Variants in KCNMB2 observed in about 807,000 individuals in gnomAD.
KCNMB2 encodes potassium calcium-activated channel subfamily M regulatory beta subunit 2.
KCNMB2 carries 9 observed loss-of-function variants against 24.5 expected under a neutral mutation model. The ratio of observed to expected loss-of-function variants is 0.37; its 90% CI spans 0.22 to 0.64. The LOEUF is 0.64. KCNMB2 is among the 30% of genes least tolerant of loss of function. The pLI, the probability that KCNMB2 is intolerant of heterozygous loss-of-function variation, is 0.63. For missense variants in KCNMB2, 226 were observed against 284.3 expected (o/e 0.79, Z 1.47); for synonymous variants, 109 against 104.4 (o/e 1.04, Z -0.27).
chr3:178,566,671 TAA>T (rs11286527), intron 1 of KCNMB2, among the ~76,000 whole-genome samples: 1 of 151,632 alleles, frequency 6.6e-6, no homozygotes, highest in South Asian at 2.1e-4. Flanking sequence ...CAAGCAAACA[TAA>T]AAAAAAACTA....
Position 178,843,351 on chromosome 3 carries a change from T to C in KCNMB2, c.*414T>C. On this transcript the variant is annotated 3_prime_UTR_variant, in exon 5 of 5. Coordinates refer to ENST00000452583, the MANE Select transcript of KCNMB2 (RefSeq NM_181361.3). ...TTTACTAAAGCTACAGCCAAAAATA[T>C]TTTTTTTTCTTATTCTAAACTGAGC... The C allele has an allele frequency of 3.0e-6, 1 of 335,588 alleles. No homozygotes were observed. Among genetic ancestry groups the C allele is most frequent in the South Asian group, 2.3e-5 (1 of 43,248 alleles). The allele number at this position is 335,588 out of a possible 1,614,324, so 20.8% of individuals were successfully genotyped here. A position where few individuals can be genotyped will look rare whatever the true frequency, so the allele number is the denominator to read the frequency against.
At chr3:178,551,820 A>G (rs1477769) in intron 1 of KCNMB2, among the ~76,000 whole-genome samples, 28,465 of 152,160 alleles carry the variant, frequency 0.19, 3,511 homozygotes, top group African/African-American at 0.36. Context: ...CCCAAGGTAC[A>G]CAACTTGTAG....
intron 1 of KCNMB2, among the ~76,000 whole-genome samples, chr3:178,564,193 G>A (rs1247660530): frequency 3.9e-5 from 6 of 151,954 alleles, no homozygotes; most frequent in Non-Finnish European, 7.4e-5. Flanking sequence ...CAGGAGAATC[G>A]CTTCAACCCG....
At chr3:178,745,676 G>C (rs895379751) in intron 1 of KCNMB2, among the ~76,000 whole-genome samples, 1 of 152,152 alleles carries the variant, frequency 6.6e-6, no homozygotes, top group Non-Finnish European at 1.5e-5. Flanking sequence ...ATCAAAAGCA[G>C]GTTCGTTACT....
chr3:178,807,475 C>T lies in KCNMB2; in HGVS notation c.56+10C>T. The T allele has an allele frequency of 6.2e-7, 1 of 1,611,076 alleles. No individual in the cohort carries two copies. On this transcript the variant is annotated intron_variant, in intron 2 of 4. Coordinates refer to ENST00000452583, the MANE Select transcript of KCNMB2 (RefSeq NM_181361.3). ...GACATGATGAAAAAAGGTAAATGCA[C>T]TGGGATTCTGGGCACTTTTCAGAAG... is the stretch of plus-strand genomic sequence containing the variant.
intron 1 of KCNMB2, among the ~76,000 whole-genome samples, chr3:178,753,946 C>T (rs943531887): frequency 1.3e-5 from 2 of 151,878 alleles, no homozygotes; most frequent in African/African-American, 2.4e-5. Flanking sequence ...TCTCCATTCT[C>T]TTGTCCCATC....
intron 1 of KCNMB2, among the ~76,000 whole-genome samples, chr3:178,745,455 G>A (rs1022639942): frequency 6.6e-6 from 1 of 152,096 alleles, no homozygotes; most frequent in African/African-American, 2.4e-5. Context: ...CAACACGTGG[G>A]AATTCAAGAT....
chr3:178,767,947 G>A (rs1263399719), intron 1 of KCNMB2, among the ~76,000 whole-genome samples: 1 of 151,864 alleles, frequency 6.6e-6, no homozygotes, highest in Non-Finnish European at 1.5e-5. Flanking sequence ...TTTCTTCTTT[G>A]ATCTGATCAC....
chr3:178,559,377 A>AT (rs918764261), intron 1 of KCNMB2, among the ~76,000 whole-genome samples: 6 of 152,086 alleles, frequency 3.9e-5, no homozygotes, highest in African/African-American at 9.6e-5. Flanking sequence ...TGGAATCATG[A>AT]TTTTTTCTCA....
chr3:178,678,120 T>C (rs956699744), intron 1 of KCNMB2, among the ~76,000 whole-genome samples: 1 of 152,194 alleles, frequency 6.6e-6, no homozygotes, highest in Non-Finnish European at 1.5e-5. Context: ...ATGGGAGTTA[T>C]GGCTTATGGA....
chr3:178,685,765 A>G (rs955747595), intron 1 of KCNMB2, among the ~76,000 whole-genome samples: 4 of 152,244 alleles, frequency 2.6e-5, no homozygotes, highest in Non-Finnish European at 5.9e-5. Flanking sequence ...TTTAAACAGT[A>G]TCATTCTGAA....
intron 1 of KCNMB2, among the ~76,000 whole-genome samples, chr3:178,683,326 C>T (rs1341251091): frequency 6.6e-6 from 1 of 151,294 alleles, no homozygotes; most frequent in Non-Finnish European, 1.5e-5. Flanking sequence ...TACTAGATGG[C>T]ACAGAGAGGG....
intron 1 of KCNMB2, among the ~76,000 whole-genome samples, chr3:178,666,405 G>A (rs922687914): frequency 1.3e-5 from 2 of 152,078 alleles, no homozygotes; most frequent in African/African-American, 4.8e-5. Flanking sequence ...AGAGGCATGT[G>A]ACCTGCATGG....
chr3:178,608,737 T>C (rs1718369068), intron 1 of KCNMB2, among the ~76,000 whole-genome samples: 1 of 152,276 alleles, frequency 6.6e-6, no homozygotes, highest in East Asian at 1.9e-4. Context: ...ATTGTTCTGA[T>C]TTTTAGATCC....
chr3:178,652,393 C>T (rs1252797029), intron 1 of KCNMB2, among the ~76,000 whole-genome samples: 1 of 151,900 alleles, frequency 6.6e-6, no homozygotes, highest in Non-Finnish European at 1.5e-5. Context: ...GTGCAGCAAA[C>T]CATCATGGCA....
At position 178,760,359 on chromosome 3, in the gene KCNMB2, T is replaced by C. The variant is rs571934522; in HGVS notation, c.-67-46984T>C. Among the ~76,000 whole-genome samples the C allele has an allele frequency of 9.5e-4, 109 of 114,542 alleles. 5 individuals carry two copies. The highest frequency in any genetic ancestry group is 3.6e-3 in the African/African-American group (95 of 26,054). 75.1% of individuals were successfully genotyped at this position (114,542 alleles called of 152,430 possible). A position where few individuals can be genotyped will look rare whatever the true frequency, so the allele number is the denominator to read the frequency against. On this transcript the variant is annotated intron_variant, in intron 1 of 4. Transcript: ENST00000452583. ...ATATCTCCTTCGTTACATATATATATCCATATCCAAGATATATATATTATA... is the reference window on the plus strand; with the variant it reads ...ATATCTCCTTCGTTACATATATATACCCATATCCAAGATATATATATTATA...
intron 1 of KCNMB2, among the ~76,000 whole-genome samples, chr3:178,723,842 G>A (rs192158261): frequency 1.5e-3 from 221 of 152,276 alleles, no homozygotes; most frequent in Middle Eastern, 3.4e-3. Flanking sequence ...TGGTTGCATA[G>A]TATTCCATGG....
intron 1 of KCNMB2, among the ~76,000 whole-genome samples, chr3:178,669,426 G>A (rs1720826176): frequency 6.6e-6 from 1 of 152,098 alleles, no homozygotes; most frequent in African/African-American, 2.4e-5. Flanking sequence ...GTAATACCTA[G>A]GAACATTAAA....
At chr3:178,629,559 C>A (rs1462991302) in intron 1 of KCNMB2, among the ~76,000 whole-genome samples, 1 of 152,122 alleles carries the variant, frequency 6.6e-6, no homozygotes, top group African/African-American at 2.4e-5. Flanking sequence ...GAATCCTGGT[C>A]TGGAAAATGA....
Sources: allele counts gnomAD v4.1 joint callset (sites outside exome capture counted in the v4.1 genomes callset), GRCh38; gene constraint gnomAD v4.1.1; transcripts MANE v1.5; gene names NCBI Gene and HGNC (gene_info 2026-07-23, HGNC 2026-07-21).